The following KIAA0586 variants were observed in gnomAD, a reference collection of about 807,000 sequenced individuals.
KIAA0586 encodes KIAA0586.
In KIAA0586, 144 loss-of-function variants were observed where a neutral mutation model predicts 169.8. The observed-to-expected ratio is 0.85, with a 90% CI of 0.74 to 0.97. KIAA0586 has a LOEUF of 0.97. Among genes scored for constraint, KIAA0586 ranks in the 50% least tolerant of loss-of-function variants. The pLI is 0.00. For missense variants in KIAA0586, 1,854 were observed against 1,823.0 expected, an observed-to-expected ratio of 1.02 and a Z score of -0.31; for synonymous variants, 625 against 612.4, an observed-to-expected ratio of 1.02 and a Z score of -0.30.
At chr14:58,500,135 C>T (rs1172841257) in intron 27 of KIAA0586, among the ~76,000 whole-genome samples, 3 of 152,184 alleles carry the variant, frequency 2.0e-5, no homozygotes, top group African/African-American at 7.2e-5. Context: ...GTGGTCACCA[C>T]AAACATATTA....
intron 29 of KIAA0586, among the ~76,000 whole-genome samples, chr14:58,528,410 A>C (rs1413013586): frequency 6.6e-6 from 1 of 152,246 alleles, no homozygotes; most frequent in Admixed American, 6.5e-5. Flanking sequence ...CATTCTTCTT[A>C]GCACCACATC....
chr14:58,490,932 G>A (rs957351820), intron 25 of KIAA0586, among the ~76,000 whole-genome samples: 43 of 151,850 alleles, frequency 2.8e-4, no homozygotes, highest in African/African-American at 9.7e-4. Flanking sequence ...TTTCACATAG[G>A]CCTATGAAAA....
chr14:58,482,568 G>T lies in KIAA0586; in HGVS notation c.3000G>T (p.Val1000=), dbSNP rs1326084337. The change falls in exon 21 of 31, where the codon GTG becomes GTT. Residue 1000 remains valine, a synonymous_variant. Transcript: ENST00000652326. ...TTTTTGTTGATGCTGGTGTTCCTGT[G>T]AACTCAAATGTGATTAAACATTTTG... The part of the protein sequence containing the change: ...LQLFVDAGVP[V]NSNVIKHFVN... 6.3e-7 allele frequency: 1 copy of T among 1,590,718 alleles called. No individual in the cohort carries two copies. The highest frequency in any genetic ancestry group is 2.3e-5 in the East Asian group (1 of 43,520).
intron 30 of KIAA0586, 69 bp from the exon 31 acceptor site, chr14:58,547,712 C>T (rs900721592): frequency 4.1e-5 from 47 of 1,160,124 alleles, no homozygotes; most frequent in Middle Eastern, 3.0e-4. Context: ...CATATTATTT[C>T]GCAAAGCATA....
chr14:58,532,283 A>G (rs1037770859), intron 29 of KIAA0586, among the ~76,000 whole-genome samples: 9 of 152,220 alleles, frequency 5.9e-5, no homozygotes, highest in Non-Finnish European at 1.0e-4. Context: ...GCATCAAACT[A>G]CATACCAAAT....
intron 30 of KIAA0586, among the ~76,000 whole-genome samples, chr14:58,546,409 C>A (rs1308656205): frequency 6.6e-6 from 1 of 152,046 alleles, no homozygotes; most frequent in Non-Finnish European, 1.5e-5. Context: ...TATACTGTGG[C>A]CCCTATAAAA....
intron 9 of KIAA0586, among the ~76,000 whole-genome samples, chr14:58,455,652 C>T (rs1467790854): frequency 6.6e-6 from 1 of 151,380 alleles, no homozygotes; most frequent in Non-Finnish European, 1.5e-5. Flanking sequence ...ATAAGTCTCC[C>T]TCTCTTTGCC....
downstream of KIAA0586, among the ~76,000 whole-genome samples, chr14:58,553,929 C>T (rs932137824): frequency 8.5e-4 from 130 of 152,288 alleles, no homozygotes; most frequent in African/African-American, 2.8e-3. Flanking sequence ...ACTAGGACAA[C>T]TTTGCTTTGC....
At chr14:58,463,717 C>A (rs1185781339) in intron 14 of KIAA0586, among the ~76,000 whole-genome samples, 5 of 151,804 alleles carry the variant, frequency 3.3e-5, no homozygotes, top group Non-Finnish European at 7.4e-5. Flanking sequence ...ACTTGGGAGG[C>A]TGAGGTGGGA....
At chr14:58,503,826 G>A (rs1173403225) in intron 27 of KIAA0586, among the ~76,000 whole-genome samples, 13 of 146,550 alleles carry the variant, frequency 8.9e-5, no homozygotes, top group South Asian at 2.2e-4. Flanking sequence ...AAAAAAAAAA[G>A]CAAGGGTTAA....
At chr14:58,479,317 A>G (rs2041871822) in intron 20 of KIAA0586, among the ~76,000 whole-genome samples, 1 of 152,122 alleles carries the variant, frequency 6.6e-6, no homozygotes, top group African/African-American at 2.4e-5. Flanking sequence ...CCATCTGTAT[A>G]TTTACTTTGG....
chr14:58,443,776 C>T (rs965857303), intron 5 of KIAA0586, among the ~76,000 whole-genome samples, 178 bp from the exon 6 acceptor site: 2 of 152,086 alleles, frequency 1.3e-5, no homozygotes, highest in African/African-American at 4.8e-5. Flanking sequence ...TAGCTATCTT[C>T]TGCCTTTCAT....
intron 29 of KIAA0586, among the ~76,000 whole-genome samples, chr14:58,522,930 C>T (rs532509361): frequency 6.6e-6 from 1 of 152,190 alleles, no homozygotes; most frequent in African/African-American, 2.4e-5. Context: ...AAATATTTCT[C>T]TGGCACAATA....
intron 29 of KIAA0586, among the ~76,000 whole-genome samples, chr14:58,517,655 C>T (rs2044862597): frequency 6.6e-6 from 1 of 152,186 alleles, no homozygotes; most frequent in Admixed American, 6.5e-5. Context: ...CTTATTTTCA[C>T]ACAAAACCTG....
At chr14:58,538,926 C>A (rs529565149) in intron 29 of KIAA0586, among the ~76,000 whole-genome samples, 2 of 152,028 alleles carry the variant, frequency 1.3e-5, no homozygotes, top group Non-Finnish European at 2.9e-5. Context: ...TCTACGGGCG[C>A]GAGCCACCAC....
chr14:58,521,272 G>T (rs1272227221), intron 29 of KIAA0586: 6 of 1,140,626 alleles, frequency 5.3e-6, no homozygotes, highest in East Asian at 3.0e-5. Flanking sequence ...ATGAACTCCC[G>T]TGTGTTCATT....
chr14:58,498,417 C>T (rs1021587623), intron 26 of KIAA0586, among the ~76,000 whole-genome samples: 10 of 151,422 alleles, frequency 6.6e-5, no homozygotes, highest in African/African-American at 1.9e-4. Flanking sequence ...TTCAAGTGAT[C>T]CACCTGCCTC....
chr14:58,535,550 A>G (rs2046229119), intron 29 of KIAA0586, among the ~76,000 whole-genome samples: 1 of 152,184 alleles, frequency 6.6e-6, no homozygotes, highest in Admixed American at 6.5e-5. Context: ...TTATGCCGCC[A>G]GGATCCTATT....
chr14:58,490,446 G>A (rs942425150), intron 25 of KIAA0586, among the ~76,000 whole-genome samples: 8 of 151,958 alleles, frequency 5.3e-5, no homozygotes, highest in East Asian at 1.9e-4. Flanking sequence ...ATTAACCCTC[G>A]TGGCTCTAGT....
Sources: gnomAD v4.1 joint callset for allele counts (sites outside exome capture counted in the v4.1 genomes callset) on GRCh38, gnomAD v4.1.1 for gene constraint, MANE v1.5 for transcripts, NCBI Gene and HGNC (gene_info 2026-07-23, HGNC 2026-07-21) for gene names.